XYLT1: variants seen among roughly 807,000 people sequenced by gnomAD.
The protein encoded by XYLT1 is beta-D-xylosyltransferase 1.
A neutral mutation model predicts 91.3 loss-of-function variants in XYLT1; 36 were observed. The ratio of observed to expected loss-of-function variants is 0.39; its 90% CI spans 0.30 to 0.52. The LOEUF (loss-of-function observed/expected upper bound fraction) is 0.52, where lower values mean the gene tolerates loss of function less well. Ranked by LOEUF, XYLT1 falls within the 20% of genes least tolerant of loss-of-function variation. The pLI is 0.68. For synonymous variants in XYLT1, 588 were observed against 532.0 expected, an observed-to-expected ratio of 1.11 and a Z score of -1.45; for missense variants, 1,242 against 1,284.5, an observed-to-expected ratio of 0.97 and a Z score of 0.51.
At chr16:17,116,755 C>T (rs1424278901) in intron 11 of XYLT1, among the ~76,000 whole-genome samples, 1 of 152,226 alleles carries the variant, frequency 6.6e-6, no homozygotes, top group Non-Finnish European at 1.5e-5. Context: ...GCACTTCACC[C>T]TCCCACTAGC....
At chr16:17,352,406 T>C (rs114184745) in intron 2 of XYLT1, among the ~76,000 whole-genome samples, 2,091 of 152,274 alleles carry the variant, frequency 0.014, 38 homozygotes, top group African/African-American at 0.047. Flanking sequence ...TCCTTAGTCC[T>C]TTTCTTTCTC....
chr16:17,425,399 G>C (rs1375582411), intron 1 of XYLT1, among the ~76,000 whole-genome samples: 2 of 152,076 alleles, frequency 1.3e-5, no homozygotes, highest in Non-Finnish European at 2.9e-5. Context: ...CAATTATATA[G>C]GACACCATGC....
At chr16:17,122,659 TAAGCCAGTG>T (rs1486052681) in intron 10 of XYLT1, among the ~76,000 whole-genome samples, 3 of 152,236 alleles carry the variant, frequency 2.0e-5, no homozygotes, top group Non-Finnish European at 4.4e-5. Flanking sequence ...AGTCTTTGCC[TAAGCCAGTG>T]TCTAGAAGGG....
At chr16:17,405,075 C>T (rs554439843) in intron 1 of XYLT1, among the ~76,000 whole-genome samples, 9 of 151,294 alleles carry the variant, frequency 5.9e-5, no homozygotes, top group Admixed American at 3.3e-4. Context: ...CTCGCCACCC[C>T]GCGCCACCTC....
chr16:17,135,259 C>G (rs1597143017), intron 8 of XYLT1, among the ~76,000 whole-genome samples: 1 of 152,172 alleles, frequency 6.6e-6, no homozygotes, highest in Admixed American at 6.5e-5. Context: ...TTCCTTTAGA[C>G]AGCACCTAGG....
intron 1 of XYLT1, among the ~76,000 whole-genome samples, chr16:17,373,138 T>C (rs1297459795): frequency 1.3e-5 from 2 of 152,160 alleles, no homozygotes; most frequent in Non-Finnish European, 2.9e-5. Flanking sequence ...TCATCCAATA[T>C]TATTTTTTGT....
Position 17,376,827 on chromosome 16 carries a change from C to CAAAAAAAA in XYLT1, c.364-18785_364-18778dup, listed in dbSNP as rs10684824. On this transcript the variant is annotated intron_variant, in intron 1 of 11. Transcript: ENST00000261381. Reference sequence around the variant, plus strand: ...GAGCAACAAGAGCAAAACTCTGTCTCAAAAAAAAAAAAAAAAAAAAAAAAA... The same window carrying CAAAAAAAA: ...GAGCAACAAGAGCAAAACTCTGTCTCAAAAAAAAAAAAAAAAAAAAAAAAAAAAAAAAA... 6.8e-4 allele frequency among the ~76,000 whole-genome samples: 38 copies of CAAAAAAAA among 55,668 alleles called. 2 individuals carry two copies. The highest frequency in any genetic ancestry group is 2.7e-3 in the African/African-American group (34 of 12,406). 36.5% of individuals were successfully genotyped at this position (55,668 alleles called of 152,430 possible). A position where few individuals can be genotyped will look rare whatever the true frequency, so the allele number is the denominator to read the frequency against.
At chr16:17,198,551 G>C in intron 4 of XYLT1, 137 bp from the exon 5 acceptor site, 1 of 734,938 alleles carries the variant, frequency 1.4e-6, no homozygotes, top group Non-Finnish European at 2.2e-6. Flanking sequence ...CCAAGTAAAT[G>C]ATCCTGGACT....
chr16:17,174,529 CAT>C (rs1245830459), intron 5 of XYLT1, among the ~76,000 whole-genome samples: 18 of 152,136 alleles, frequency 1.2e-4, no homozygotes, highest in Non-Finnish European at 2.4e-4. Flanking sequence ...GAAATACCCA[CAT>C]GATGTATGAT....
chr16:17,356,431 C>G (rs1290876822), intron 2 of XYLT1, among the ~76,000 whole-genome samples: 3 of 152,126 alleles, frequency 2.0e-5, no homozygotes, highest in African/African-American at 7.2e-5. Flanking sequence ...GCCTGGTCAG[C>G]CCTGGGGCCC....
intron 1 of XYLT1, among the ~76,000 whole-genome samples, chr16:17,404,206 G>A (rs1410723241): frequency 1.3e-5 from 2 of 152,164 alleles, no homozygotes; most frequent in African/African-American, 2.4e-5. Context: ...GGGACACAGC[G>A]AGCTGAGCAG....
chr16:17,304,194 G>C (rs943906211), intron 2 of XYLT1, among the ~76,000 whole-genome samples: 1 of 152,148 alleles, frequency 6.6e-6, no homozygotes, highest in African/African-American at 2.4e-5. Context: ...CAGAGGAACA[G>C]AGGAGAGCAG....
At chr16:17,430,398 T>G (rs2036377002) in intron 1 of XYLT1, among the ~76,000 whole-genome samples, 1 of 152,228 alleles carries the variant, frequency 6.6e-6, no homozygotes, top group Non-Finnish European at 1.5e-5. Context: ...AGATCCAGAA[T>G]GCACAAAGAT....
At chr16:17,127,560 A>C (rs987010414) in intron 10 of XYLT1, 106 bp downstream of exon 10, 1 of 1,345,060 alleles carries the variant, frequency 7.4e-7, no homozygotes, top group Non-Finnish European at 1.0e-6. Flanking sequence ...GGGATCTCCA[A>C]GTCCTCTTCT....
At position 17,359,569 on chromosome 16, in the gene XYLT1, T is replaced by C. The variant is rs575407954; in HGVS notation, c.364-1519A>G. 2.0e-5 allele frequency among the ~76,000 whole-genome samples: 3 copies of C among 152,312 alleles called. No homozygotes were observed. In the East Asian group the frequency reaches 5.8e-4, roughly 29 times the overall value. ...GAGTCCAACTCCCAGTAATTCTCCA[T>C]TGGTGTAACTGAAAGGAAACTGCCA... On this transcript the variant is annotated intron_variant, in intron 1 of 11. Coordinates refer to ENST00000261381, the MANE Select transcript of XYLT1 (RefSeq NM_022166.4).
At chr16:17,219,500 C>T (rs943676878) in intron 3 of XYLT1, among the ~76,000 whole-genome samples, 31 of 152,042 alleles carry the variant, frequency 2.0e-4, no homozygotes, top group African/African-American at 6.5e-4. Flanking sequence ...TTGTATTAAT[C>T]GAGTCAAGTT....
At position 17,157,235 on chromosome 16, in the gene XYLT1, C is replaced by G. The variant is rs146395762; in HGVS notation, c.1370+1594G>C. 5.1e-3 allele frequency among the ~76,000 whole-genome samples: 775 copies of G among 152,260 alleles called. 7 individuals are homozygous for G. The highest frequency in any genetic ancestry group is 0.017 in the African/African-American group (719 of 41,550). On this transcript the variant is annotated intron_variant, in intron 6 of 11. Transcript: ENST00000261381. ...AGTTCTGGGATTACAGGCCTTGAGTCACGGCACCTGGCCAGATTACTTCTT... is the reference window on the plus strand; with the variant it reads ...AGTTCTGGGATTACAGGCCTTGAGTGACGGCACCTGGCCAGATTACTTCTT...
chr16:17,196,288 C>G (rs2032425305), intron 5 of XYLT1, among the ~76,000 whole-genome samples: 1 of 152,210 alleles, frequency 6.6e-6, no homozygotes, highest in Admixed American at 6.5e-5. Flanking sequence ...ATTCAAAACT[C>G]AAACTCTTGG....
At chr16:17,367,418 C>G (rs1017294708) in intron 1 of XYLT1, among the ~76,000 whole-genome samples, 1 of 152,304 alleles carries the variant, frequency 6.6e-6, no homozygotes, top group Non-Finnish European at 1.5e-5. Context: ...ATAATTCATC[C>G]CGATAATTAG....
Sources: allele counts gnomAD v4.1 joint callset (sites outside exome capture counted in the v4.1 genomes callset), GRCh38; gene constraint gnomAD v4.1.1; transcripts MANE v1.5; gene names NCBI Gene and HGNC (gene_info 2026-07-23, HGNC 2026-07-21).